The following TMEM178B variants were observed in gnomAD, a reference collection of about 807,000 sequenced individuals.
TMEM178B encodes the protein transmembrane protein 178B.
A neutral mutation model predicts 31.0 loss-of-function variants in TMEM178B; 5 were observed. The observed-to-expected ratio is 0.16, with a 90% CI of 0.08 to 0.34. TMEM178B has a LOEUF of 0.34. Ranked by LOEUF, TMEM178B falls within the 10% of genes least tolerant of loss-of-function variation. The probability of loss-of-function intolerance (pLI) is 1.00; values close to 1 mark genes in which losing one functional copy is unlikely to be tolerated. For missense variants in TMEM178B, 275 were observed against 400.3 expected (o/e 0.69, Z 2.67); for synonymous variants, 164 against 164.0 (o/e 1.00, Z 0.00).
chr7:141,222,963 C>G (rs1358828141), intron 2 of TMEM178B, among the ~76,000 whole-genome samples: 1 of 152,148 alleles, frequency 6.6e-6, no homozygotes, highest in Non-Finnish European at 1.5e-5. Context: ...TAGACACAAA[C>G]AGTCTCTAAA....
intron 2 of TMEM178B, among the ~76,000 whole-genome samples, chr7:141,298,066 G>T (rs1223920191): frequency 6.6e-6 from 1 of 152,152 alleles, no homozygotes; most frequent in Non-Finnish European, 1.5e-5. Flanking sequence ...GTGTGAGATG[G>T]TATCTCATTG....
At position 141,221,032 on chromosome 7, in the gene TMEM178B, T is replaced by C. The variant is rs1443544640; in HGVS notation, c.496+8328T>C. Among the ~76,000 whole-genome samples, 4 of 152,234 alleles carry C rather than the reference T, an allele frequency of 2.6e-5. No homozygotes were observed. The South Asian group carries it at 8.3e-4, about 32-fold the overall frequency. On this transcript the variant is annotated intron_variant, in intron 2 of 3. Coordinates refer to ENST00000565468, the MANE Select transcript of TMEM178B (RefSeq NM_001195278.2). ...CCTAGAGAGTGCAGGCTAATGCTGC[T>C]GACATGTACACTTCATGGGTCCCAA...
intron 1 of TMEM178B, among the ~76,000 whole-genome samples, chr7:141,093,719 A>G (rs779529490): frequency 6.6e-6 from 1 of 152,208 alleles, no homozygotes; most frequent in Non-Finnish European, 1.5e-5. Flanking sequence ...TTAAGAGAAC[A>G]TTCGGGAAAG....
chr7:141,144,097 T>A (rs1341812854), intron 1 of TMEM178B, among the ~76,000 whole-genome samples: 1 of 152,222 alleles, frequency 6.6e-6, no homozygotes, highest in Admixed American at 6.5e-5. Context: ...ACTACACTTG[T>A]TTAGCAGTTC....
chr7:141,335,638 C>A (rs970390693), intron 2 of TMEM178B, among the ~76,000 whole-genome samples: 1 of 152,114 alleles, frequency 6.6e-6, no homozygotes, highest in Admixed American at 6.5e-5. Context: ...TATTTTCCCC[C>A]CTTTAAACTT....
rs1041634462 is a variant in TMEM178B, at chr7:141,476,671, G to T, written c.*5885G>T. The T allele has an allele frequency of 6.6e-6, 1 of 152,156 alleles. No homozygotes were observed. The highest frequency in any genetic ancestry group is 6.5e-5 in the Admixed American group (1 of 15,278). 9.4% of individuals were successfully genotyped at this position (152,156 alleles called of 1,614,324 possible). Reference sequence around the variant, plus strand: ...CTTTAGATGGTACATTCACTAAGACGTGTCTGGGTGTGATCCTGTTTGGGA... The same window carrying T: ...CTTTAGATGGTACATTCACTAAGACTTGTCTGGGTGTGATCCTGTTTGGGA... On this transcript the variant is annotated 3_prime_UTR_variant, in exon 4 of 4. Transcript: ENST00000565468.
At chr7:141,396,234 C>T (rs1036986063) in intron 2 of TMEM178B, among the ~76,000 whole-genome samples, 2 of 152,138 alleles carry the variant, frequency 1.3e-5, no homozygotes, top group Non-Finnish European at 1.5e-5. Flanking sequence ...CAAGTTGTTC[C>T]CAGTCTTCTT....
intron 1 of TMEM178B, among the ~76,000 whole-genome samples, chr7:141,101,838 G>A (rs1795063186): frequency 6.6e-6 from 1 of 152,008 alleles, no homozygotes; most frequent in African/African-American, 2.4e-5. Context: ...ATCGGAACAT[G>A]GGGATCTTCT....
At chr7:141,220,948 G>T (rs10249795) in intron 2 of TMEM178B, among the ~76,000 whole-genome samples, 6,304 of 152,276 alleles carry the variant, frequency 0.041, 206 homozygotes, top group East Asian at 0.12. Context: ...ATATTTCCAG[G>T]TGCCAACCAG....
intron 1 of TMEM178B, among the ~76,000 whole-genome samples, chr7:141,113,301 C>T (rs879454011): frequency 3.2e-4 from 49 of 152,326 alleles, no homozygotes; most frequent in Middle Eastern, 3.4e-3. Context: ...ACCCTCAGAG[C>T]CCTGCGCTCT....
At chr7:141,486,796 C>T in the TMEM178B span, among the ~76,000 whole-genome samples, 5 of 152,058 alleles carry the variant, frequency 3.3e-5, no homozygotes, top group Admixed American at 1.3e-4. Flanking sequence ...AAGTTGCTGA[C>T]AGTGTCATGT....
intron 1 of TMEM178B, among the ~76,000 whole-genome samples, chr7:141,076,202 G>A (rs144149120): frequency 6.6e-6 from 1 of 152,260 alleles, no homozygotes; most frequent in East Asian, 1.9e-4. Flanking sequence ...GACCAACTTG[G>A]GTTTGGCTGC....
chr7:141,503,185 C>A, the TMEM178B span, among the ~76,000 whole-genome samples: 2 of 152,188 alleles, frequency 1.3e-5, no homozygotes, highest in African/African-American at 4.8e-5. Flanking sequence ...GTGGAGTCAA[C>A]CTTTATTATA....
intron 2 of TMEM178B, among the ~76,000 whole-genome samples, chr7:141,261,536 A>G (rs1798012186): frequency 6.6e-6 from 1 of 152,136 alleles, no homozygotes; most frequent in Middle Eastern, 3.2e-3. Flanking sequence ...AGGGATCGTT[A>G]GTCATATATG....
chr7:141,082,505 G>A (rs981651469), intron 1 of TMEM178B, among the ~76,000 whole-genome samples: 5 of 152,222 alleles, frequency 3.3e-5, no homozygotes, highest in African/African-American at 1.2e-4. Flanking sequence ...ACCTCCTTGC[G>A]TATACGCCAT....
At chr7:141,085,189 G>A (rs1794760662) in intron 1 of TMEM178B, among the ~76,000 whole-genome samples, 1 of 121,936 alleles carries the variant, frequency 8.2e-6, no homozygotes, top group South Asian at 2.6e-4. Context: ...TAGAGATGGG[G>A]TTTCACCATG....
intron 1 of TMEM178B, among the ~76,000 whole-genome samples, chr7:141,187,557 A>G (rs1226966471): frequency 1.3e-5 from 2 of 152,180 alleles, no homozygotes; most frequent in Non-Finnish European, 2.9e-5. Flanking sequence ...CAGTCCCACC[A>G]ACAGTGTAAA....
chr7:141,256,370 A>G (rs1322106526), intron 2 of TMEM178B, among the ~76,000 whole-genome samples: 3 of 152,206 alleles, frequency 2.0e-5, no homozygotes, highest in South Asian at 2.1e-4. Context: ...TAATGGGAAA[A>G]CCAAAGTGAT....
At chr7:141,254,995 A>G (rs933714990) in intron 2 of TMEM178B, among the ~76,000 whole-genome samples, 5 of 152,214 alleles carry the variant, frequency 3.3e-5, no homozygotes, top group African/African-American at 1.2e-4. Context: ...ACTGGTTCTC[A>G]GTAGAGGTGA....
Sources: gnomAD v4.1 joint callset for allele counts (sites outside exome capture counted in the v4.1 genomes callset) on GRCh38, gnomAD v4.1.1 for gene constraint, MANE v1.5 for transcripts, NCBI Gene and HGNC (gene_info 2026-07-23, HGNC 2026-07-21) for gene names.